DCDC2: variants seen among roughly 807,000 people sequenced by gnomAD.
DCDC2 encodes the protein doublecortin domain containing 2.
In DCDC2, 40 loss-of-function variants were observed where a neutral mutation model predicts 50.2. The observed-to-expected ratio is 0.80, with a 90% CI of 0.62 to 1.04. DCDC2 has a LOEUF of 1.04. Among genes scored for constraint, DCDC2 ranks in the 50% least tolerant of loss-of-function variants. The probability of loss-of-function intolerance (pLI) is 0.00; values close to 1 mark genes in which losing one functional copy is unlikely to be tolerated. For missense variants in DCDC2, 570 were observed against 581.9 expected (o/e 0.98, Z 0.21); for synonymous variants, 234 against 210.6 (o/e 1.11, Z -0.96).
At chr6:24,268,548 G>C (rs13191747) in intron 7 of DCDC2, among the ~76,000 whole-genome samples, 1 of 152,080 alleles carries the variant, frequency 6.6e-6, no homozygotes, top group South Asian at 2.1e-4. Flanking sequence ...ACCCAACTTA[G>C]GAAATGACAG....
intron 2 of DCDC2, among the ~76,000 whole-genome samples, chr6:24,336,996 A>C (rs1034960971): frequency 3.3e-5 from 5 of 152,222 alleles, no homozygotes; most frequent in African/African-American, 1.2e-4. Context: ...AAGAACTGAC[A>C]CCTTGAGATC....
intron 7 of DCDC2, among the ~76,000 whole-genome samples, chr6:24,245,955 G>C (rs914081281): frequency 2.6e-5 from 4 of 152,122 alleles, no homozygotes; most frequent in Admixed American, 1.3e-4. Flanking sequence ...CAGCTGTAGA[G>C]AATATTATTA....
At chr6:24,276,946 G>A (rs923032253) in intron 7 of DCDC2, among the ~76,000 whole-genome samples, 2 of 151,924 alleles carry the variant, frequency 1.3e-5, no homozygotes, top group African/African-American at 4.8e-5. Flanking sequence ...AGCTAGTCTC[G>A]ATCATTTAGG....
chr6:24,376,608 G>A, the DCDC2 span, among the ~76,000 whole-genome samples: 1 of 152,078 alleles, frequency 6.6e-6, no homozygotes, highest in Admixed American at 6.5e-5. Flanking sequence ...AGAAGTCTAT[G>A]GGATGCACAT....
intron 7 of DCDC2, among the ~76,000 whole-genome samples, chr6:24,275,976 C>T (rs1355542451): frequency 6.8e-6 from 1 of 146,976 alleles, no homozygotes; most frequent in Non-Finnish European, 1.5e-5. Flanking sequence ...CTCAAGTGTT[C>T]CTCCCACCTT....
At chr6:24,186,066 A>G (rs1329365996) in intron 8 of DCDC2, among the ~76,000 whole-genome samples, 2 of 152,194 alleles carry the variant, frequency 1.3e-5, no homozygotes, top group Non-Finnish European at 2.9e-5. Context: ...ATTTTTCACA[A>G]CACATTTACC....
At chr6:24,244,412 G>A (rs537131381) in intron 7 of DCDC2, among the ~76,000 whole-genome samples, 2 of 152,336 alleles carry the variant, frequency 1.3e-5, no homozygotes, top group Non-Finnish European at 2.9e-5. Context: ...AAAATTACCT[G>A]AGATGGGTAG....
intron 4 of DCDC2, among the ~76,000 whole-genome samples, chr6:24,291,999 T>C (rs1294783979): frequency 6.6e-6 from 1 of 152,118 alleles, no homozygotes. Context: ...TTCTTTCTTT[T>C]TTTTTGCCGT....
At chr6:24,330,729 A>G (rs551564497) in intron 2 of DCDC2, among the ~76,000 whole-genome samples, 1 of 152,136 alleles carries the variant, frequency 6.6e-6, no homozygotes, top group Non-Finnish European at 1.5e-5. Flanking sequence ...CAACTGAGGG[A>G]TGGAGAAACA....
At chr6:24,313,689 C>T (rs1408290723) in intron 2 of DCDC2, among the ~76,000 whole-genome samples, 1 of 152,222 alleles carries the variant, frequency 6.6e-6, no homozygotes, top group East Asian at 1.9e-4. Flanking sequence ...CCCCAGGATT[C>T]CCACTGGAGA....
intron 8 of DCDC2, among the ~76,000 whole-genome samples, chr6:24,199,021 A>G (rs1452747138): frequency 6.6e-6 from 1 of 152,224 alleles, no homozygotes; most frequent in Non-Finnish European, 1.5e-5. Context: ...AGGGGCTCAT[A>G]GATAAAACTC....
chr6:24,304,621 A>C (rs1198064366), intron 2 of DCDC2, among the ~76,000 whole-genome samples: 1 of 152,246 alleles, frequency 6.6e-6, no homozygotes, highest in African/African-American at 2.4e-5. Context: ...AACCAGAGTT[A>C]GAAATATTCC....
At chr6:24,205,221 T>A (rs761288413) in intron 7 of DCDC2, 119 bp from the exon 8 acceptor site, 1 of 1,609,166 alleles carries the variant, frequency 6.2e-7, no homozygotes, top group African/African-American at 1.3e-5. Flanking sequence ...TTTTAGTTGA[T>A]AGTATTTTTG....
chr6:24,246,465 G>GTCTTTT (rs1293197513), intron 7 of DCDC2, among the ~76,000 whole-genome samples: 52 of 124,278 alleles, frequency 4.2e-4, no homozygotes, highest in South Asian at 1.7e-3. Context: ...ATAAAGACAA[G>GTCTTTT]TCTTTTTCTT....
the DCDC2 span, among the ~76,000 whole-genome samples, chr6:24,380,560 C>G: frequency 2.0e-5 from 3 of 152,176 alleles, no homozygotes; most frequent in Non-Finnish European, 4.4e-5. Context: ...CTACAATGAT[C>G]ATCAACTCAT....
intron 7 of DCDC2, among the ~76,000 whole-genome samples, chr6:24,205,657 G>T (rs555086106): frequency 6.6e-6 from 1 of 152,100 alleles, no homozygotes; most frequent in Non-Finnish European, 1.5e-5. Flanking sequence ...ATCTCCACAA[G>T]ATTTTCACAA....
intron 9 of DCDC2, among the ~76,000 whole-genome samples, chr6:24,175,653 C>G (rs1760889620): frequency 1.3e-5 from 2 of 152,134 alleles, no homozygotes; most frequent in African/African-American, 4.8e-5. Context: ...GAATATAGTA[C>G]AAGTTCAATC....
chr6:24,333,152 G>T (rs961030510), intron 2 of DCDC2, among the ~76,000 whole-genome samples: 2 of 152,170 alleles, frequency 1.3e-5, no homozygotes, highest in Non-Finnish European at 2.9e-5. Context: ...AAGGCCCTGA[G>T]ATAAGAGGTA....
Position 24,174,727 on chromosome 6 carries a change from G to C in DCDC2, c.*3C>G, listed in dbSNP as rs9358755. The C allele has an allele frequency of 0.82, 1,310,424 of 1,604,766 alleles. 541,842 individuals are homozygous for C. Among genetic ancestry groups the C allele is most frequent in the East Asian group, 0.98 (43,785 of 44,794 alleles). ...ATCCATATACTCTCTTTTTAAAAATGTTCTAAGCCACGGCAGCATAGTCCT... is the reference window on the plus strand; with the variant it reads ...ATCCATATACTCTCTTTTTAAAAATCTTCTAAGCCACGGCAGCATAGTCCT... On this transcript the variant is annotated 3_prime_UTR_variant, in exon 10 of 10. Coordinates refer to ENST00000378454, the MANE Select transcript of DCDC2 (RefSeq NM_016356.5).
Sources: gnomAD v4.1 joint callset for allele counts (sites outside exome capture counted in the v4.1 genomes callset) on GRCh38, gnomAD v4.1.1 for gene constraint, MANE v1.5 for transcripts, NCBI Gene and HGNC (gene_info 2026-07-23, HGNC 2026-07-21) for gene names.